CPEB3: variants seen among roughly 807,000 people sequenced by gnomAD.
CPEB3 encodes cytoplasmic polyadenylation element-binding protein 3.
CPEB3 carries 20 observed loss-of-function variants against 67.2 expected under a neutral mutation model. That is an observed-to-expected ratio of 0.30 (90% CI 0.21 to 0.43). The LOEUF is 0.43. CPEB3 is among the 20% of genes least tolerant of loss of function. The probability of loss-of-function intolerance (pLI) is 1.00; values close to 1 mark genes in which losing one functional copy is unlikely to be tolerated. For synonymous variants in CPEB3, 376 were observed against 393.1 expected (o/e 0.96, Z 0.51); for missense variants, 746 against 968.6 (o/e 0.77, Z 3.05).
In CPEB3 at chr10:92,134,201, C is replaced by T. The variant is rs865830514; in HGVS notation, c.1453+8828G>A. ...GCAAGAGAAAGAAATAAAGGGTATTCAATTAGGAAAAGAGGAAGTCAAATT... is the reference window on the plus strand; with the variant it reads ...GCAAGAGAAAGAAATAAAGGGTATTTAATTAGGAAAAGAGGAAGTCAAATT... On this transcript the variant is annotated intron_variant, in intron 6 of 9. Transcript: ENST00000265997. Among the ~76,000 whole-genome samples the T allele has an allele frequency of 1.6e-3, 245 of 152,088 alleles. 3 individuals carry two copies. The highest frequency in any genetic ancestry group is 4.3e-4 in the Non-Finnish European group (29 of 68,018).
intron 2 of CPEB3, among the ~76,000 whole-genome samples, chr10:92,213,318 G>A (rs1850186272): frequency 6.6e-6 from 1 of 152,002 alleles, no homozygotes; most frequent in African/African-American, 2.4e-5. Flanking sequence ...GTTTACATGG[G>A]GCTTTAACAA....
intron 4 of CPEB3, among the ~76,000 whole-genome samples, chr10:92,150,767 G>A (rs1156760143): frequency 6.6e-6 from 1 of 151,816 alleles, no homozygotes; most frequent in African/African-American, 2.4e-5. Flanking sequence ...TTTTTTTAAG[G>A]GAAATATTTC....
Position 92,239,650 on chromosome 10 carries a change from G to T in CPEB3, c.701C>A (p.Ala234Asp). 1 of 1,561,496 alleles carries T rather than the reference G, an allele frequency of 6.4e-7. No individual in the cohort carries two copies. The change falls in exon 2 of 10, where the codon GCC becomes GAC. Residue 234 changes from alanine to aspartate, a missense_variant. Physicochemically the swap from Ala to Asp is moderately radical, Grantham distance 126 (BLOSUM62 -2). Around this residue, in one of 2 missense-constraint regions of CPEB3, gnomAD observed 643 missense variants for 717.5 expected, o/e 0.90. Coordinates refer to ENST00000265997, the MANE Select transcript of CPEB3 (RefSeq NM_014912.5). The surrounding 1 kb of genome is among the most constrained non-coding windows in gnomAD (Gnocchi z 6.0). ...SAVAAAAAAAAASSASSSWNT... is the reference protein window; with the variant it reads ...SAVAAAAAAADASSASSSWNT... ...CCAGCTGGACGAGGCCGACGAGGCG[G>T]CGGCTGCGGCAGCAGCGGCTGCAAC...
chr10:92,153,810 G>A (rs932082637), intron 4 of CPEB3, among the ~76,000 whole-genome samples: 3 of 152,018 alleles, frequency 2.0e-5, no homozygotes, highest in African/African-American at 7.2e-5. Flanking sequence ...CAAAAATATT[G>A]GCATAGCCAA....
chr10:92,182,775 G>A lies in CPEB3; in HGVS notation c.1166-1756C>T, dbSNP rs562044773. 1.9e-3 allele frequency among the ~76,000 whole-genome samples: 282 copies of A among 147,982 alleles called. 1 individual carries two copies. The highest frequency in any genetic ancestry group is 6.7e-3 in the African/African-American group (268 of 39,766). ...CGGAATGTGGAGGTTGCAGTGAGCC[G>A]AGATTGCGCCACTGTACTCCAGCCA... On this transcript the variant is annotated intron_variant, in intron 3 of 9. Coordinates refer to ENST00000265997, the MANE Select transcript of CPEB3 (RefSeq NM_014912.5).
At chr10:92,142,039 C>CAA (rs546901334) in intron 6 of CPEB3, among the ~76,000 whole-genome samples, 7 of 115,136 alleles carry the variant, frequency 6.1e-5, no homozygotes, top group Non-Finnish European at 7.6e-5. Context: ...CAAATAAAAA[C>CAA]AAAAAAAAAA....
At chr10:92,119,169 C>A (rs75975876) in intron 6 of CPEB3, 2 of 1,581,164 alleles carry the variant, frequency 1.3e-6, no homozygotes, top group East Asian at 4.5e-5. Flanking sequence ...ATATGAAGAA[C>A]GGAGGTTCCC....
intron 2 of CPEB3, among the ~76,000 whole-genome samples, chr10:92,217,379 T>C (rs572193673): frequency 1.3e-5 from 2 of 152,154 alleles, no homozygotes; most frequent in South Asian, 2.1e-4. Flanking sequence ...TTTATCAATA[T>C]GATGATTCAC....
At chr10:92,234,753 C>T (rs778187979) in intron 2 of CPEB3, among the ~76,000 whole-genome samples, 8 of 151,984 alleles carry the variant, frequency 5.3e-5, no homozygotes, top group Admixed American at 2.0e-4. Flanking sequence ...TGGTAAACCC[C>T]GTCTCTACTA....
intron 2 of CPEB3, among the ~76,000 whole-genome samples, chr10:92,234,628 C>T (rs1240216524): frequency 6.6e-6 from 1 of 152,080 alleles, no homozygotes; most frequent in Non-Finnish European, 1.5e-5. Flanking sequence ...ATTTATTTGT[C>T]AATATAACAA....
At chr10:92,102,244 G>T (rs1844226142) in intron 7 of CPEB3, among the ~76,000 whole-genome samples, 1 of 152,136 alleles carries the variant, frequency 6.6e-6, no homozygotes, top group Non-Finnish European at 1.5e-5. Flanking sequence ...AGCTCTGGGG[G>T]CTTCAGTCAG....
chr10:92,215,932 C>A (rs968065136), intron 2 of CPEB3, among the ~76,000 whole-genome samples: 1 of 140,858 alleles, frequency 7.1e-6, no homozygotes, highest in African/African-American at 2.6e-5. Flanking sequence ...GTATTTTTAG[C>A]AGAGACAGGG....
At chr10:92,129,719 C>A (rs1335362790) in intron 6 of CPEB3, among the ~76,000 whole-genome samples, 1 of 152,004 alleles carries the variant, frequency 6.6e-6, no homozygotes. Context: ...AAAAAAAATC[C>A]TTCAAGGCTC....
At chr10:92,262,400 C>T (rs1564916986) in intron 1 of CPEB3, among the ~76,000 whole-genome samples, 1 of 152,168 alleles carries the variant, frequency 6.6e-6, no homozygotes, top group Non-Finnish European at 1.5e-5. Context: ...ACTTTATTTA[C>T]ATGAAGAATA....
chr10:92,210,138 T>C (rs1260998710), intron 2 of CPEB3, among the ~76,000 whole-genome samples: 2 of 152,108 alleles, frequency 1.3e-5, no homozygotes, highest in African/African-American at 2.4e-5. Flanking sequence ...GCTCTGCAGT[T>C]AGATAAAAAT....
intron 6 of CPEB3, among the ~76,000 whole-genome samples, chr10:92,115,784 TA>T (rs1423630002): frequency 4.6e-5 from 7 of 152,160 alleles, no homozygotes; most frequent in Admixed American, 2.6e-4. Flanking sequence ...GCTCACCCTC[TA>T]AAATTTAAAA....
intron 7 of CPEB3, among the ~76,000 whole-genome samples, chr10:92,104,886 G>A (rs543806922): frequency 1.3e-5 from 2 of 152,116 alleles, no homozygotes; most frequent in East Asian, 1.9e-4. Flanking sequence ...GAAGGTGTCC[G>A]AACCATGATT....
chr10:92,216,349 A>G (rs1213775442), intron 2 of CPEB3: 28 of 1,606,688 alleles, frequency 1.7e-5, no homozygotes, highest in Non-Finnish European at 2.4e-5. Context: ...AAATAAAGGC[A>G]GATCCCGAAG....
At chr10:92,107,890 TAAG>T (rs746490815) in intron 7 of CPEB3, among the ~76,000 whole-genome samples, 2 of 152,248 alleles carry the variant, frequency 1.3e-5, no homozygotes, top group East Asian at 3.9e-4. Context: ...AGTAATTTAA[TAAG>T]AAGTAGTCAC....
Sources: allele counts gnomAD v4.1 joint callset (sites outside exome capture counted in the v4.1 genomes callset), GRCh38; gene constraint gnomAD v4.1.1; regional missense constraint gnomAD v4.1.1; non-coding constraint Gnocchi (gnomAD v3.1); transcripts MANE v1.5; gene names NCBI Gene and HGNC (gene_info 2026-07-23, HGNC 2026-07-21).